The following NT5E variants were observed in gnomAD, a reference collection of about 807,000 sequenced individuals.
The protein encoded by NT5E is 5'-nucleotidase ecto, also known as 5'-nucleotidase.
Under a neutral mutation model 55.1 loss-of-function variants are expected in NT5E, and 53 were observed. The ratio of observed to expected loss-of-function variants is 0.96; its 90% CI spans 0.77 to 1.21. The LOEUF is 1.21. NT5E is among the 50% of genes most tolerant of loss of function. The pLI is 0.00. For synonymous variants in NT5E, 270 were observed against 278.4 expected (o/e 0.97, Z 0.30); for missense variants, 683 against 724.3 (o/e 0.94, Z 0.65).
rs1163482742 is a variant in NT5E at position 85,450,319 on chromosome 6, C to T, written c.180C>T (p.Gly60=). 1.2e-6 allele frequency: 2 copies of T among 1,600,986 alleles called. No homozygotes were observed. Among genetic ancestry groups the T allele is most frequent in the African/African-American group, 1.3e-5 (1 of 74,834 alleles). ...KCVNASRCMG[G]VARLFTKVQQ... Reference sequence around the variant, plus strand: ...TCAACGCCAGCCGCTGCATGGGTGGCGTGGCTCGGCTCTTCACCAAGGTTC... The same window carrying T: ...TCAACGCCAGCCGCTGCATGGGTGGTGTGGCTCGGCTCTTCACCAAGGTTC... Residue 60 remains glycine, a synonymous_variant, in exon 1 of 9, where the codon GGC becomes GGT. Transcript: ENST00000257770. The surrounding 1 kb of genome is among the most constrained non-coding windows in gnomAD (Gnocchi z 4.0).
At chr6:85,463,417 C>G (rs1319352370) in intron 1 of NT5E, among the ~76,000 whole-genome samples, 1 of 151,800 alleles carries the variant, frequency 6.6e-6, no homozygotes. Context: ...TACATTTATA[C>G]AAATAAAAAA....
At chr6:85,468,239 T>G (rs922976514) in intron 2 of NT5E, among the ~76,000 whole-genome samples, 3 of 152,200 alleles carry the variant, frequency 2.0e-5, no homozygotes, top group African/African-American at 7.2e-5. Context: ...AAAAGTCAGC[T>G]GTGTTTGCTG....
Position 85,450,531 on chromosome 6 carries a change from G to C in NT5E, c.339+53G>C. The C allele has an allele frequency of 6.6e-7, 1 of 1,513,508 alleles. No homozygotes were observed. Among genetic ancestry groups the C allele is most frequent in the Non-Finnish European group, 9.0e-7 (1 of 1,112,862 alleles). The allele number at this position is 1,513,508 out of a possible 1,614,324, so 93.8% of individuals were successfully genotyped here. On this transcript the variant is annotated intron_variant, in intron 1 of 8. Coordinates refer to ENST00000257770, the MANE Select transcript of NT5E (RefSeq NM_002526.4). The surrounding 1 kb of genome is among the most constrained non-coding windows in gnomAD (Gnocchi z 4.0). ...GTAGTCCCGGACTGAGAGAGGAGCC[G>C]GGCTGGAAAAGCAGCGGATGGCAGA...
intron 5 of NT5E, among the ~76,000 whole-genome samples, chr6:85,488,710 A>T (rs1286997804): frequency 6.6e-6 from 1 of 151,996 alleles, no homozygotes; most frequent in Non-Finnish European, 1.5e-5. Flanking sequence ...CCTCCCAAGT[A>T]GCTGGGATTA....
intron 3 of NT5E, among the ~76,000 whole-genome samples, chr6:85,474,969 A>G (rs1769397075): frequency 6.6e-6 from 1 of 152,282 alleles, no homozygotes; most frequent in East Asian, 1.9e-4. Flanking sequence ...ATTAAAGGTA[A>G]TTCCAGGACA....
Position 85,467,186 on chromosome 6 carries a change from G to C in NT5E, c.466G>C (p.Gly156Arg). 7 of 1,614,092 alleles carry C rather than the reference G, an allele frequency of 4.3e-6. No homozygotes were observed. The highest frequency in any genetic ancestry group is 5.9e-6 in the Non-Finnish European group (7 of 1,180,016). ...GGGGCCACTAGCATCTCAAATATCA[G>C]GACTTTATTTGCCATATAAAGTTCT... ...AKGPLASQISGLYLPYKVLPV... is the reference protein window; with the variant it reads ...AKGPLASQISRLYLPYKVLPV... Residue 156 changes from glycine to arginine, a missense_variant, in exon 2 of 9, where the codon GGA becomes CGA. Physicochemically the swap from Gly to Arg is moderately radical, Grantham distance 125 (BLOSUM62 -2). Coordinates refer to ENST00000257770, the MANE Select transcript of NT5E (RefSeq NM_002526.4).
chr6:85,469,597 C>T (rs766066702), intron 2 of NT5E, among the ~76,000 whole-genome samples: 1 of 152,166 alleles, frequency 6.6e-6, no homozygotes, highest in Non-Finnish European at 1.5e-5. Flanking sequence ...GAAAGGCTCA[C>T]ATAGAAGGCA....
At chr6:85,491,469 A>G (rs1420326986) in intron 7 of NT5E, 6 of 298,896 alleles carry the variant, frequency 2.0e-5, no homozygotes, top group South Asian at 1.6e-4. Flanking sequence ...CCTAATGCCT[A>G]TGGGGCAACC....
intron 1 of NT5E, among the ~76,000 whole-genome samples, chr6:85,466,274 A>G (rs1330686257): frequency 6.6e-6 from 1 of 152,144 alleles, no homozygotes; most frequent in Non-Finnish European, 1.5e-5. Flanking sequence ...GGAGAGAGAT[A>G]AGAAGGTGGG....
intron 1 of NT5E, among the ~76,000 whole-genome samples, chr6:85,452,602 C>T (rs1284240383): frequency 1.3e-5 from 2 of 152,102 alleles, no homozygotes; most frequent in African/African-American, 4.8e-5. Flanking sequence ...GATCACATGG[C>T]AAGGTTAGAT....
At chr6:85,490,783 C>G in intron 7 of NT5E, 126 bp downstream of exon 7, 2 of 989,992 alleles carry the variant, frequency 2.0e-6, no homozygotes, top group Non-Finnish European at 3.1e-6. Context: ...CGACCCAACA[C>G]CAATACCTTA....
intron 7 of NT5E, 116 bp downstream of exon 7, chr6:85,490,773 C>T (rs1021164504): frequency 7.2e-6 from 8 of 1,104,612 alleles, no homozygotes; most frequent in South Asian, 3.9e-5. Context: ...GGATTTTTCC[C>T]GACCCAACAC....
At chr6:85,456,354 T>A (rs552577188) in intron 1 of NT5E, among the ~76,000 whole-genome samples, 1 of 152,194 alleles carries the variant, frequency 6.6e-6, no homozygotes, top group Non-Finnish European at 1.5e-5. Flanking sequence ...TAGCCAATTA[T>A]CAATCCCAAG....
intron 3 of NT5E, among the ~76,000 whole-genome samples, chr6:85,478,639 C>A (rs1005192377): frequency 6.6e-6 from 1 of 151,796 alleles, no homozygotes; most frequent in East Asian, 1.9e-4. Context: ...AGTGATATGG[C>A]TACCTTAGAG....
At chr6:85,478,845 G>C (rs1769487377) in intron 3 of NT5E, among the ~76,000 whole-genome samples, 1 of 151,800 alleles carries the variant, frequency 6.6e-6, no homozygotes, top group Non-Finnish European at 1.5e-5. Context: ...ATAGTATTGA[G>C]AGAGAGAAAG....
chr6:85,474,559 G>A (rs1366436017), intron 3 of NT5E, among the ~76,000 whole-genome samples: 1 of 152,176 alleles, frequency 6.6e-6, no homozygotes, highest in Non-Finnish European at 1.5e-5. Flanking sequence ...CACATTTCAT[G>A]ATTGCTTACC....
chr6:85,461,383 CA>C (rs943186427), intron 1 of NT5E, among the ~76,000 whole-genome samples: 2 of 152,156 alleles, frequency 1.3e-5, no homozygotes, highest in African/African-American at 2.4e-5. Flanking sequence ...AAGCCTCTGA[CA>C]AATGAACACA....
chr6:85,450,601 A>C lies in NT5E; in HGVS notation c.339+123A>C. 1 of 898,040 alleles carries C rather than the reference A, an allele frequency of 1.1e-6. No individual in the cohort carries two copies. Among genetic ancestry groups the C allele is most frequent in the Non-Finnish European group, 1.8e-6 (1 of 564,784 alleles). 55.6% of individuals were successfully genotyped at this position (898,040 alleles called of 1,614,324 possible). A position where few individuals can be genotyped will look rare whatever the true frequency, so the allele number is the denominator to read the frequency against. On this transcript the variant is annotated intron_variant, in intron 1 of 8. Coordinates refer to ENST00000257770, the MANE Select transcript of NT5E (RefSeq NM_002526.4). This position sits in a 1 kb window ranked among gnomAD's most constrained non-coding sequence, Gnocchi z 4.0. ...AGGGCGCGGAGAGATGTGGGGATAA[A>C]GTGAGACTCCGGCCAGTGTGCCAGC...
At chr6:85,488,322 G>A (rs987491507) in intron 5 of NT5E, among the ~76,000 whole-genome samples, 5 of 152,168 alleles carry the variant, frequency 3.3e-5, no homozygotes, top group Non-Finnish European at 7.4e-5. Flanking sequence ...ATTGCCCAGT[G>A]CCCAGGATAC....
Sources: gnomAD v4.1 joint callset for allele counts (sites outside exome capture counted in the v4.1 genomes callset) on GRCh38, gnomAD v4.1.1 for gene constraint, Gnocchi (gnomAD v3.1) non-coding constraint, MANE v1.5 for transcripts, NCBI Gene and HGNC (gene_info 2026-07-23, HGNC 2026-07-21) for gene names.